The following SLCO1B3 variants were observed in gnomAD, a reference collection of about 807,000 sequenced individuals.
SLCO1B3 encodes the protein liver-specific organic anion transporter 2.
SLCO1B3 carries 72 observed loss-of-function variants against 71.8 expected under a neutral mutation model. The ratio of observed to expected loss-of-function variants is 1.00; its 90% CI spans 0.83 to 1.22. The LOEUF is 1.22. SLCO1B3 is among the 50% of genes most tolerant of loss of function. The pLI is 0.00. For synonymous variants in SLCO1B3, 298 were observed against 278.4 expected, an observed-to-expected ratio of 1.07 and a Z score of -0.70; for missense variants, 911 against 819.7, an observed-to-expected ratio of 1.11 and a Z score of -1.36.
intron 3 of SLCO1B3, among the ~76,000 whole-genome samples, chr12:20,834,719 A>G (rs552111407): frequency 6.6e-6 from 1 of 152,132 alleles, no homozygotes; most frequent in South Asian, 2.1e-4. Context: ...TTTGCAGGGA[A>G]CAACCCTCCT....
intron 13 of SLCO1B3, among the ~76,000 whole-genome samples, chr12:20,892,446 C>T (rs1865923521): frequency 6.6e-6 from 1 of 152,026 alleles, no homozygotes; most frequent in Non-Finnish European, 1.5e-5. Context: ...AGCATGCTTA[C>T]ATACTGATGA....
chr12:20,894,802 A>T lies in SLCO1B3; in HGVS notation c.1683-3634A>T, dbSNP rs186401798. ...CTCTTTATGAAATAAACTTCCTCCT[A>T]AATAGCAGGCATGGATTCTGTATTC... On this transcript the variant is annotated intron_variant, in intron 13 of 15. Transcript: ENST00000381545. 3.7e-3 allele frequency among the ~76,000 whole-genome samples: 567 copies of T among 152,236 alleles called. 13 individuals carry two copies. The highest frequency in any genetic ancestry group is 8.7e-4 in the Non-Finnish European group (59 of 68,018).
At chr12:20,905,484 A>G (rs1866224757) in intron 15 of SLCO1B3, among the ~76,000 whole-genome samples, 1 of 152,196 alleles carries the variant, frequency 6.6e-6, no homozygotes, top group Non-Finnish European at 1.5e-5. Flanking sequence ...CTTTGTTCAC[A>G]CATATGAGTA....
At position 20,833,692 on chromosome 12, in the gene SLCO1B3, A is replaced by G. The variant is rs188641761; in HGVS notation, c.84+17870A>G. ...TATACATACACTTTATGGTATAGAGAGAGATGATAAATTACATGTATATTA... is the reference window on the plus strand; with the variant it reads ...TATACATACACTTTATGGTATAGAGGGAGATGATAAATTACATGTATATTA... On this transcript the variant is annotated intron_variant, in intron 3 of 15. Transcript: ENST00000381545. 8.8e-5 allele frequency among the ~76,000 whole-genome samples: 13 copies of G among 148,210 alleles called. No individual in the cohort carries two copies. In the East Asian group the frequency reaches 1.8e-3, roughly 20 times the overall value.
intron 3 of SLCO1B3, among the ~76,000 whole-genome samples, chr12:20,834,529 A>C (rs778763641): frequency 2.0e-5 from 3 of 148,366 alleles, no homozygotes; most frequent in African/African-American, 7.4e-5. Context: ...CTATATTTAT[A>C]TATAATATAT....
rs7979427 is a variant in SLCO1B3, at chr12:20,891,228, C to T, written c.1683-7208C>T. ...AGTCAGTCTGTTTGCGACAAATTCC[C>T]TTAGTGTTTGCTTATTTGGGAAGTA... is the stretch of plus-strand genomic sequence containing the variant. On this transcript the variant is annotated intron_variant, in intron 13 of 15. Transcript: ENST00000381545. Among the ~76,000 whole-genome samples, 970 of 152,058 alleles carry T rather than the reference C, an allele frequency of 6.4e-3. 6 individuals are homozygous for T. Among genetic ancestry groups the T allele is most frequent in the African/African-American group, 0.021 (886 of 41,490 alleles).
intron 13 of SLCO1B3, among the ~76,000 whole-genome samples, chr12:20,896,217 A>C (rs75184396): frequency 5.7e-5 from 1 of 17,696 alleles, no homozygotes; most frequent in African/African-American, 8.2e-5. Flanking sequence ...CAGCTTTCAA[A>C]TTTCAGGTAT....
intron 3 of SLCO1B3, among the ~76,000 whole-genome samples, chr12:20,836,082 A>G (rs1048575333): frequency 4.6e-5 from 7 of 152,328 alleles, no homozygotes; most frequent in Non-Finnish European, 1.0e-4. Context: ...ACTTTATAAA[A>G]TAATCAGATC....
At chr12:20,842,627 T>G (rs1443753039) in intron 3 of SLCO1B3, among the ~76,000 whole-genome samples, 1 of 152,222 alleles carries the variant, frequency 6.6e-6, no homozygotes, top group Non-Finnish European at 1.5e-5. Context: ...AATCTCTGCC[T>G]TTAAACTAGC....
chr12:20,849,410 A>G (rs1864978572), intron 3 of SLCO1B3, among the ~76,000 whole-genome samples: 1 of 152,008 alleles, frequency 6.6e-6, no homozygotes, highest in African/African-American at 2.4e-5. Flanking sequence ...TCTCAACATG[A>G]TAAGGGCATT....
intron 8 of SLCO1B3, among the ~76,000 whole-genome samples, chr12:20,864,534 A>G (rs1865334794): frequency 6.6e-6 from 1 of 152,198 alleles, no homozygotes; most frequent in African/African-American, 2.4e-5. Context: ...GATATGTTTT[A>G]TATCTTCCAT....
intron 2 of SLCO1B3, among the ~76,000 whole-genome samples, chr12:20,814,981 C>CTTTTTTTTTTTTTTTTTT (rs71039997): frequency 2.2e-5 from 2 of 89,294 alleles, no homozygotes; most frequent in East Asian, 3.6e-4. Flanking sequence ...CTTTTCTTTT[C>CTTTTTTTTTTTTTTTTTT]TTTTTTTTTT....
intron 13 of SLCO1B3, among the ~76,000 whole-genome samples, chr12:20,891,044 G>A (rs190587235): frequency 9.2e-4 from 140 of 152,082 alleles, no homozygotes; most frequent in Non-Finnish European, 1.3e-3. Flanking sequence ...TTGAGGGGTT[G>A]TTTCTATAAT....
At chr12:20,835,120 A>G (rs1239417593) in intron 3 of SLCO1B3, among the ~76,000 whole-genome samples, 2 of 152,172 alleles carry the variant, frequency 1.3e-5, no homozygotes, top group African/African-American at 4.8e-5. Context: ...TCCAAGCTGT[A>G]CCTTGGCCCC....
chr12:20,817,768 T>G (rs1864217158), intron 3 of SLCO1B3, among the ~76,000 whole-genome samples: 1 of 151,848 alleles, frequency 6.6e-6, no homozygotes, highest in South Asian at 2.1e-4. Flanking sequence ...TTTTTTTTAT[T>G]TGTAGTAGAG....
Position 20,889,742 on chromosome 12 carries a change from T to C in SLCO1B3, c.1682+6140T>C, listed in dbSNP as rs528292094. Among the ~76,000 whole-genome samples, 14 of 152,214 alleles carry C rather than the reference T, an allele frequency of 9.2e-5. No individual in the cohort carries two copies. In the East Asian group the frequency reaches 2.5e-3, roughly 27 times the overall value. On this transcript the variant is annotated intron_variant, in intron 13 of 15. Coordinates refer to ENST00000381545, the MANE Select transcript of SLCO1B3 (RefSeq NM_019844.4). ...ATATTCTGCTAGCTTTGGGTGCAGT[T>C]TATTCTTGTTTTACTAGTTCTGTGA...
chr12:20,829,739 CCCGAGGG>C (rs2121124642), intron 3 of SLCO1B3, among the ~76,000 whole-genome samples: 1 of 152,184 alleles, frequency 6.6e-6, no homozygotes, highest in East Asian at 1.9e-4. Context: ...AGAGAGCAGC[CCCGAGGG>C]CTGCTGGTTA....
Position 20,849,973 on chromosome 12 carries a change from A to G in SLCO1B3, c.85-5055A>G, listed in dbSNP as rs908395044. Reference sequence around the variant, plus strand: ...TATAAAATTTAGTATTTTTGAAATGACAGTGCTACCCAGATTTCTCTGCAG... The same window carrying G: ...TATAAAATTTAGTATTTTTGAAATGGCAGTGCTACCCAGATTTCTCTGCAG... On this transcript the variant is annotated intron_variant, in intron 3 of 15. Transcript: ENST00000381545. 2.6e-5 allele frequency among the ~76,000 whole-genome samples: 4 copies of G among 151,362 alleles called. No homozygotes were observed. In the South Asian group the frequency reaches 8.3e-4, roughly 31 times the overall value.
chr12:20,858,351 G>T, intron 4 of SLCO1B3, 88 bp from the exon 5 acceptor site: 1 of 881,502 alleles, frequency 1.1e-6, no homozygotes, highest in Non-Finnish European at 1.8e-6. Flanking sequence ...CAATGTCTTG[G>T]GCATATTTGC....
Sources: allele counts gnomAD v4.1 joint callset (sites outside exome capture counted in the v4.1 genomes callset), GRCh38; gene constraint gnomAD v4.1.1; transcripts MANE v1.5; gene names NCBI Gene and HGNC (gene_info 2026-07-23, HGNC 2026-07-21).